TRPC7: variants seen among roughly 807,000 people sequenced by gnomAD.
TRPC7 encodes short transient receptor potential channel 7.
A neutral mutation model predicts 90.1 loss-of-function variants in TRPC7; 42 were observed. The observed-to-expected ratio is 0.47, with a 90% CI of 0.36 to 0.60. The LOEUF is 0.60. Among genes scored for constraint, TRPC7 ranks in the 20% least tolerant of loss-of-function variants. TRPC7 has a pLI of 0.00. For missense variants in TRPC7, 955 were observed against 1,112.3 expected, an observed-to-expected ratio of 0.86 and a Z score of 2.01; for synonymous variants, 451 against 436.3, an observed-to-expected ratio of 1.03 and a Z score of -0.42.
intron 5 of TRPC7, among the ~76,000 whole-genome samples, chr5:136,258,397 G>A (rs1262737699): frequency 1.3e-5 from 2 of 152,194 alleles, no homozygotes; most frequent in Non-Finnish European, 2.9e-5. Flanking sequence ...TATCCAAGCT[G>A]AGCCCCATGG....
Position 136,356,638 on chromosome 5 carries a change from G to C in TRPC7, c.750C>G (p.Ala250=), listed in dbSNP as rs749642641. Reference sequence around the variant, plus strand: ...ATTCAGTCTCAATGTTGGCTAGTCTGGCTAACTCGTTGCTGAGCTCCAGGG... The same window carrying C: ...ATTCAGTCTCAATGTTGGCTAGTCTCGCTAACTCGTTGCTGAGCTCCAGGG... The part of the protein sequence containing the change: ...LTALELSNEL[A]RLANIETEFK... The change falls in exon 2 of 12, where the codon GCC becomes GCG. Residue 250 remains alanine, a synonymous_variant. Transcript: ENST00000513104. 4 of 1,554,434 alleles carry C rather than the reference G, an allele frequency of 2.6e-6. No individual in the cohort carries two copies. Among genetic ancestry groups the C allele is most frequent in the Non-Finnish European group, 3.5e-6 (4 of 1,149,702 alleles).
chr5:136,213,258 G>T lies in TRPC7; in HGVS notation c.*177C>A. On this transcript the variant is annotated 3_prime_UTR_variant, in exon 12 of 12. Coordinates refer to ENST00000513104, the MANE Select transcript of TRPC7 (RefSeq NM_020389.3). ...ACCACCTAGATTCACAGCAGTTCTG[G>T]GTCTAGGCAGGCCAGCGGGCTGGAG... is the stretch of plus-strand genomic sequence containing the variant. 1.5e-6 allele frequency: 1 copy of T among 656,964 alleles called. No individual in the cohort carries two copies. The highest frequency in any genetic ancestry group is 2.6e-6 in the Non-Finnish European group (1 of 385,894). The allele number at this position is 656,964 out of a possible 1,614,324, so 40.7% of individuals were successfully genotyped here.
chr5:136,291,381 T>G (rs937236883), intron 3 of TRPC7, among the ~76,000 whole-genome samples: 1 of 152,224 alleles, frequency 6.6e-6, no homozygotes, highest in Non-Finnish European at 1.5e-5. Flanking sequence ...ATCAGTGTGC[T>G]GTATTCAGAA....
chr5:136,282,404 A>G (rs1350892633), intron 3 of TRPC7, among the ~76,000 whole-genome samples: 2 of 152,162 alleles, frequency 1.3e-5, no homozygotes, highest in Non-Finnish European at 2.9e-5. Flanking sequence ...GTAATGAGTT[A>G]TTTACTTCTC....
intron 3 of TRPC7, among the ~76,000 whole-genome samples, chr5:136,305,276 A>T (rs1240176305): frequency 2.0e-5 from 3 of 151,924 alleles, no homozygotes; most frequent in Non-Finnish European, 2.9e-5. Flanking sequence ...CCTCACCCTG[A>T]TCACGCTTGA....
intron 6 of TRPC7, 83 bp downstream of exon 6, chr5:136,251,566 A>G (rs1205023627): frequency 5.3e-6 from 6 of 1,133,342 alleles, no homozygotes; most frequent in African/African-American, 4.6e-5. Context: ...AAATAGCGTT[A>G]CAAGTTCACC....
chr5:136,274,209 G>A (rs1386452491), intron 4 of TRPC7, among the ~76,000 whole-genome samples: 1 of 152,100 alleles, frequency 6.6e-6, no homozygotes, highest in Non-Finnish European at 1.5e-5. Flanking sequence ...TCTCTTTTCT[G>A]GACCTACTTC....
chr5:136,218,011 C>T (rs998875998), intron 10 of TRPC7, among the ~76,000 whole-genome samples: 2 of 121,944 alleles, frequency 1.6e-5, no homozygotes, highest in African/African-American at 6.4e-5. Context: ...GAGCAAGACT[C>T]TAATTCAAAA....
chr5:136,348,356 G>T (rs1215077650), intron 2 of TRPC7, among the ~76,000 whole-genome samples: 1 of 152,100 alleles, frequency 6.6e-6, no homozygotes, highest in Non-Finnish European at 1.5e-5. Context: ...CCTTCACTGG[G>T]CTATTTCATG....
At chr5:136,331,741 A>G (rs1759506662) in intron 2 of TRPC7, among the ~76,000 whole-genome samples, 1 of 152,170 alleles carries the variant, frequency 6.6e-6, no homozygotes, top group Admixed American at 6.5e-5. Context: ...GATTCTAGGA[A>G]GAGTGAGCTG....
intron 3 of TRPC7, among the ~76,000 whole-genome samples, chr5:136,278,654 G>A (rs1026742669): frequency 5.3e-5 from 8 of 152,170 alleles, no homozygotes; most frequent in Non-Finnish European, 1.2e-4. Context: ...TCATCTGGAG[G>A]GGATGCCCCA....
At chr5:136,321,394 C>A (rs532582802) in intron 2 of TRPC7, among the ~76,000 whole-genome samples, 1 of 152,146 alleles carries the variant, frequency 6.6e-6, no homozygotes, top group South Asian at 2.1e-4. Flanking sequence ...TTACTACTTG[C>A]CAGTTAATTG....
chr5:136,343,245 G>T (rs907087913), intron 2 of TRPC7, among the ~76,000 whole-genome samples: 1 of 152,146 alleles, frequency 6.6e-6, no homozygotes, highest in Non-Finnish European at 1.5e-5. Context: ...TCAAAAGCAA[G>T]GTTTTCTGTT....
intron 2 of TRPC7, among the ~76,000 whole-genome samples, chr5:136,338,364 A>C (rs1184731357): frequency 6.6e-6 from 1 of 152,238 alleles, no homozygotes; most frequent in Non-Finnish European, 1.5e-5. Flanking sequence ...TAGTTTTCTC[A>C]GATCTTACAG....
At chr5:136,353,387 T>C (rs868357109) in intron 2 of TRPC7, among the ~76,000 whole-genome samples, 5 of 152,206 alleles carry the variant, frequency 3.3e-5, no homozygotes, top group Non-Finnish European at 5.9e-5. Context: ...ATGTGGAGGA[T>C]GACATATGAC....
chr5:136,290,629 T>C (rs1580908077), intron 3 of TRPC7, among the ~76,000 whole-genome samples: 2 of 152,230 alleles, frequency 1.3e-5, no homozygotes, highest in East Asian at 3.9e-4. Flanking sequence ...CTCCAAGAAA[T>C]ATGGGACTAT....
At chr5:136,242,055 C>G (rs1698015828) in intron 7 of TRPC7, among the ~76,000 whole-genome samples, 1 of 152,200 alleles carries the variant, frequency 6.6e-6, no homozygotes, top group African/African-American at 2.4e-5. Flanking sequence ...AAAGCAAATC[C>G]TATTTGTCTA....
At chr5:136,358,693 G>A (rs1381266008) in intron 1 of TRPC7, among the ~76,000 whole-genome samples, 1 of 152,200 alleles carries the variant, frequency 6.6e-6, no homozygotes, top group Non-Finnish European at 1.5e-5. Context: ...CCTTGAGCAG[G>A]TCCCAGCTTC....
intron 7 of TRPC7, among the ~76,000 whole-genome samples, chr5:136,236,156 G>A (rs1391243525): frequency 6.6e-6 from 1 of 152,174 alleles, no homozygotes; most frequent in African/African-American, 2.4e-5. Context: ...GGATACACAG[G>A]TGCCCAGATC....
Sources: gnomAD v4.1 joint callset for allele counts (sites outside exome capture counted in the v4.1 genomes callset) on GRCh38, gnomAD v4.1.1 for gene constraint, MANE v1.5 for transcripts, NCBI Gene and HGNC (gene_info 2026-07-23, HGNC 2026-07-21) for gene names.